The following SHISA9 variants were observed in gnomAD, a reference collection of about 807,000 sequenced individuals.
The protein encoded by SHISA9 is protein shisa-9.
SHISA9 carries 13 observed loss-of-function variants against 38.0 expected under a neutral mutation model. That is an observed-to-expected ratio of 0.34 (90% CI 0.22 to 0.54). The LOEUF is 0.54. Among genes scored for constraint, SHISA9 ranks in the 20% least tolerant of loss-of-function variants. The pLI, the probability that SHISA9 is intolerant of heterozygous loss-of-function variation, is 0.91. For missense variants in SHISA9, 538 were observed against 575.8 expected (o/e 0.93, Z 0.67); for synonymous variants, 275 against 242.0 (o/e 1.14, Z -1.27).
At chr16:13,556,507 C>T in the SHISA9 span, among the ~76,000 whole-genome samples, 1 of 151,864 alleles carries the variant, frequency 6.6e-6, no homozygotes, top group Non-Finnish European at 1.5e-5. Context: ...AAACAAAATA[C>T]AAAAAATTAG....
At chr16:13,018,058 T>G (rs2072779063) in intron 2 of SHISA9, among the ~76,000 whole-genome samples, 1 of 152,264 alleles carries the variant, frequency 6.6e-6, no homozygotes, top group African/African-American at 2.4e-5. Flanking sequence ...TCCTGTGTTG[T>G]CCTCTGCTGA....
At chr16:12,985,699 T>C (rs2072299181) in intron 2 of SHISA9, among the ~76,000 whole-genome samples, 1 of 152,216 alleles carries the variant, frequency 6.6e-6, no homozygotes, top group Non-Finnish European at 1.5e-5. Context: ...GTTGTGACAA[T>C]GTTGGCCTTA....
the SHISA9 span, among the ~76,000 whole-genome samples, chr16:13,444,428 GAAGGAAGGAAGGGAGGAAAC>G: frequency 6.6e-6 from 1 of 151,336 alleles, no homozygotes; most frequent in Non-Finnish European, 1.5e-5. Flanking sequence ...AGGAAGGAAG[GAAGGAAGGAAGGGAGGAAAC>G]AAGGAAGGAA....
intron 2 of SHISA9, among the ~76,000 whole-genome samples, chr16:13,081,183 T>C (rs2073644673): frequency 6.6e-6 from 1 of 152,238 alleles, no homozygotes; most frequent in Non-Finnish European, 1.5e-5. Flanking sequence ...TAGAAGTTTT[T>C]GCTGTACCTA....
chr16:13,097,422 ATTT>A (rs11318129), intron 2 of SHISA9, among the ~76,000 whole-genome samples: 7 of 145,426 alleles, frequency 4.8e-5, no homozygotes, highest in Middle Eastern at 3.4e-3. Context: ...TCTGATCAGT[ATTT>A]TTTTTTTTTT....
intron 2 of SHISA9, among the ~76,000 whole-genome samples, chr16:12,972,450 T>C (rs927777206): frequency 6.6e-6 from 1 of 152,110 alleles, no homozygotes; most frequent in Non-Finnish European, 1.5e-5. Flanking sequence ...ATGAGAGTGA[T>C]ATATAATGAG....
intron 2 of SHISA9, among the ~76,000 whole-genome samples, chr16:12,931,970 G>A (rs1044746891): frequency 2.0e-5 from 3 of 152,122 alleles, no homozygotes; most frequent in Non-Finnish European, 2.9e-5. Flanking sequence ...AATCATGGAG[G>A]GCAAGTTTTT....
At chr16:13,004,013 C>G (rs2072562945) in intron 2 of SHISA9, among the ~76,000 whole-genome samples, 4 of 152,068 alleles carry the variant, frequency 2.6e-5, no homozygotes, top group Non-Finnish European at 5.9e-5. Flanking sequence ...CAGAGATGTC[C>G]TGGGTGAACC....
At chr16:13,482,011 T>G in the SHISA9 span, among the ~76,000 whole-genome samples, 1 of 152,178 alleles carries the variant, frequency 6.6e-6, no homozygotes, top group Non-Finnish European at 1.5e-5. Flanking sequence ...CCTTCCTCCA[T>G]TGGGTACTTG....
At chr16:13,015,087 G>GTAT (rs1455651421) in intron 2 of SHISA9, among the ~76,000 whole-genome samples, 2 of 152,108 alleles carry the variant, frequency 1.3e-5, no homozygotes, top group Non-Finnish European at 2.9e-5. Flanking sequence ...GTATGTGTAG[G>GTAT]TATTGGGCTG....
At chr16:12,921,683 C>G (rs1041790208) in intron 2 of SHISA9, among the ~76,000 whole-genome samples, 1 of 152,044 alleles carries the variant, frequency 6.6e-6, no homozygotes, top group Non-Finnish European at 1.5e-5. Context: ...AGGTGGGAGA[C>G]TGAACCCAGG....
At chr16:13,379,392 C>T in the SHISA9 span, among the ~76,000 whole-genome samples, 1 of 152,096 alleles carries the variant, frequency 6.6e-6, no homozygotes, top group African/African-American at 2.4e-5. Context: ...AGTGGGAGTA[C>T]AGCTGACAAT....
the SHISA9 span, among the ~76,000 whole-genome samples, chr16:13,353,826 G>A: frequency 2.6e-5 from 4 of 152,122 alleles, no homozygotes; most frequent in Non-Finnish European, 5.9e-5. Flanking sequence ...ACGGAGGACC[G>A]TAAGGGATAT....
chr16:13,498,273 A>G, the SHISA9 span, among the ~76,000 whole-genome samples: 2 of 152,212 alleles, frequency 1.3e-5, 1 homozygote, highest in South Asian at 4.1e-4. Flanking sequence ...GCCTTTAAAA[A>G]TCAAACAAAT....
chr16:12,943,140 G>C (rs1462891477), intron 2 of SHISA9, among the ~76,000 whole-genome samples: 1 of 151,996 alleles, frequency 6.6e-6, no homozygotes, highest in Admixed American at 6.6e-5. Context: ...GCCCATTCCT[G>C]CACCAGTCAC....
At chr16:13,365,556 A>G in the SHISA9 span, among the ~76,000 whole-genome samples, 3 of 148,824 alleles carry the variant, frequency 2.0e-5, no homozygotes, top group East Asian at 6.0e-4. Context: ...TCCCGGGTTC[A>G]AGCTATTCTC....
At chr16:13,536,842 G>C in the SHISA9 span, among the ~76,000 whole-genome samples, 1 of 152,170 alleles carries the variant, frequency 6.6e-6, no homozygotes, top group Non-Finnish European at 1.5e-5. Flanking sequence ...TGGGGTCGTT[G>C]AGAAGTTATT....
the SHISA9 span, among the ~76,000 whole-genome samples, chr16:13,490,968 G>T: frequency 6.6e-6 from 1 of 152,126 alleles, no homozygotes; most frequent in African/African-American, 2.4e-5. Context: ...AAAATCAAAG[G>T]CTGTATTGCT....
the SHISA9 span, among the ~76,000 whole-genome samples, chr16:13,466,081 G>T: frequency 6.6e-6 from 1 of 152,198 alleles, no homozygotes; most frequent in Non-Finnish European, 1.5e-5. Context: ...TACCCCTAGT[G>T]ACCCACTAGC....
Sources: allele counts gnomAD v4.1 joint callset (sites outside exome capture counted in the v4.1 genomes callset), GRCh38; gene constraint gnomAD v4.1.1; transcripts MANE v1.5; gene names NCBI Gene and HGNC (gene_info 2026-07-23, HGNC 2026-07-21).